Variants in TTLL11 observed in about 807,000 individuals in gnomAD.
The protein encoded by TTLL11 is tubulin polyglutamylase TTLL11.
Under a neutral mutation model 51.7 loss-of-function variants are expected in TTLL11, and 42 were observed. The ratio of observed to expected loss-of-function variants is 0.81; its 90% confidence interval spans 0.64 to 1.05. The LOEUF is 1.05. Ranked by LOEUF, TTLL11 falls within the 50% of genes least tolerant of loss-of-function variation. The pLI is 0.00. For synonymous variants in TTLL11, 381 were observed against 383.5 expected (o/e 0.99, Z 0.08); for missense variants, 799 against 940.4 (o/e 0.85, Z 1.97).
At chr9:121,917,635 G>A (rs1318404172) in intron 6 of TTLL11, among the ~76,000 whole-genome samples, 1 of 141,886 alleles carries the variant, frequency 7.0e-6, no homozygotes. Context: ...GGGAAGGGAG[G>A]GAAGGGAGGG....
chr9:121,879,789 GA>G (rs1838712105), intron 6 of TTLL11, among the ~76,000 whole-genome samples: 2 of 26,118 alleles, frequency 7.7e-5, no homozygotes, highest in Admixed American at 2.6e-4. Flanking sequence ...AACATAGCGA[GA>G]CCCCACTTCT....
chr9:122,076,282 G>C (rs1462576981), intron 1 of TTLL11, among the ~76,000 whole-genome samples: 1 of 152,174 alleles, frequency 6.6e-6, no homozygotes, highest in Non-Finnish European at 1.5e-5. Context: ...TAAAAGTGTA[G>C]TTATCTTGCT....
Position 121,839,451 on chromosome 9 carries a change from G to A in TTLL11, c.1841-16572C>T, listed in dbSNP as rs374615806. Among the ~76,000 whole-genome samples the A allele has an allele frequency of 5.9e-5, 9 of 152,256 alleles. No homozygotes were observed. In the East Asian group the frequency reaches 1.2e-3, roughly 20 times the overall value. On this transcript the variant is annotated intron_variant, in intron 8 of 8. Transcript: ENST00000321582. ...CTTCGCTTACTCACTGCCCAGCTGG[G>A]AGCCTCAGTTTCTTTCTACCCTGCC...
At chr9:121,907,132 T>C (rs1007459223) in intron 6 of TTLL11, among the ~76,000 whole-genome samples, 1 of 152,142 alleles carries the variant, frequency 6.6e-6, no homozygotes, top group Admixed American at 6.6e-5. Flanking sequence ...CGTCCTCCTT[T>C]GTTCAGTCCA....
intron 8 of TTLL11, among the ~76,000 whole-genome samples, chr9:121,850,504 GAGA>G (rs1837635529): frequency 6.6e-6 from 1 of 152,204 alleles, no homozygotes; most frequent in African/African-American, 2.4e-5. Context: ...CCAAAGACAG[GAGA>G]AGAAGAGTGT....
chr9:121,949,276 C>A (rs928924142), intron 6 of TTLL11, among the ~76,000 whole-genome samples: 6 of 152,182 alleles, frequency 3.9e-5, no homozygotes, highest in Non-Finnish European at 4.4e-5. Context: ...ATAAAACCCA[C>A]GCTCAAGCTT....
At chr9:122,017,664 T>C (rs529647144) in intron 3 of TTLL11, among the ~76,000 whole-genome samples, 1 of 152,172 alleles carries the variant, frequency 6.6e-6, no homozygotes, top group African/African-American at 2.4e-5. Flanking sequence ...GGTTTCACCA[T>C]GTTGGCTAGG....
chr9:121,984,764 AG>A (rs1434007901), intron 4 of TTLL11, among the ~76,000 whole-genome samples: 1 of 152,244 alleles, frequency 6.6e-6, no homozygotes, highest in Non-Finnish European at 1.5e-5. Context: ...GGGAGCTAGA[AG>A]AAGATACAGA....
At chr9:122,056,468 A>G (rs1845293684) in intron 1 of TTLL11, among the ~76,000 whole-genome samples, 1 of 152,210 alleles carries the variant, frequency 6.6e-6, no homozygotes, top group African/African-American at 2.4e-5. Flanking sequence ...CAGAGCAATT[A>G]AATAACTGGT....
chr9:121,947,324 T>A (rs1841704724), intron 6 of TTLL11, among the ~76,000 whole-genome samples: 1 of 152,172 alleles, frequency 6.6e-6, no homozygotes, highest in African/African-American at 2.4e-5. Flanking sequence ...CACCTCTTAA[T>A]TCCAAGGCAC....
chr9:121,994,375 C>A (rs756560918), intron 3 of TTLL11, among the ~76,000 whole-genome samples: 4 of 152,106 alleles, frequency 2.6e-5, no homozygotes, highest in African/African-American at 9.7e-5. Context: ...ACCACCACCA[C>A]GAATAATAAT....
chr9:122,012,864 A>T (rs1230053008), intron 3 of TTLL11, among the ~76,000 whole-genome samples: 1 of 152,250 alleles, frequency 6.6e-6, no homozygotes, highest in African/African-American at 2.4e-5. Context: ...AAAGCCATGA[A>T]GACCCAGAAC....
intron 1 of TTLL11, among the ~76,000 whole-genome samples, chr9:122,066,055 G>A (rs972039124): frequency 3.3e-5 from 5 of 152,004 alleles, no homozygotes; most frequent in African/African-American, 9.7e-5. Context: ...GAGGGGGAGT[G>A]TTAATGTGCT....
intron 4 of TTLL11, among the ~76,000 whole-genome samples, chr9:121,978,728 C>T (rs114958668): frequency 0.011 from 1,651 of 152,190 alleles, 45 homozygotes; most frequent in African/African-American, 0.038. Context: ...AGCTTCAAAT[C>T]AAGTTGGGGA....
intron 6 of TTLL11, among the ~76,000 whole-genome samples, chr9:121,928,729 G>A (rs1162685998): frequency 6.6e-6 from 1 of 151,668 alleles, no homozygotes. Flanking sequence ...TTGAGCCACC[G>A]CACCCGGCCT....
chr9:121,828,512 C>T (rs920398356), intron 8 of TTLL11, among the ~76,000 whole-genome samples: 1 of 152,160 alleles, frequency 6.6e-6, no homozygotes, highest in African/African-American at 2.4e-5. Flanking sequence ...ATATCATTAA[C>T]ATTTTTGTAT....
rs143199780 is a variant in TTLL11 at position 122,026,487 on chromosome 9, C to T, written c.693+5236G>A. Reference sequence around the variant, plus strand: ...AGGACAGAAGGATTACAAAGGGACACGAGGAAAAATTTCAGCATGATGCAT... The same window carrying T: ...AGGACAGAAGGATTACAAAGGGACATGAGGAAAAATTTCAGCATGATGCAT... On this transcript the variant is annotated intron_variant, in intron 3 of 8. Coordinates refer to ENST00000321582, the MANE Select transcript of TTLL11 (RefSeq NM_001139442.2). Among the ~76,000 whole-genome samples the T allele has an allele frequency of 1.1e-4, 17 of 150,188 alleles. No individual in the cohort carries two copies. In the East Asian group the frequency reaches 2.0e-3, roughly 17 times the overall value.
intron 3 of TTLL11, among the ~76,000 whole-genome samples, chr9:122,028,431 A>C (rs1433401271): frequency 6.6e-6 from 1 of 152,186 alleles, no homozygotes; most frequent in African/African-American, 2.4e-5. Context: ...AAGCCAAAGA[A>C]AACTGGAGGT....
intron 6 of TTLL11, among the ~76,000 whole-genome samples, chr9:121,901,604 G>A (rs775087258): frequency 6.6e-5 from 10 of 152,030 alleles, no homozygotes; most frequent in Admixed American, 1.3e-4. Flanking sequence ...TCCCTCCCCC[G>A]AGAACCAAGG....
Sources: gnomAD v4.1 joint callset for allele counts (sites outside exome capture counted in the v4.1 genomes callset) on GRCh38, gnomAD v4.1.1 for gene constraint, MANE v1.5 for transcripts, NCBI Gene and HGNC (gene_info 2026-07-23, HGNC 2026-07-21) for gene names.